VPS54: variants seen among roughly 807,000 people sequenced by gnomAD.
The protein encoded by VPS54 is VPS54 subunit of GARP complex, also known as vacuolar protein sorting-associated protein 54.
A neutral mutation model predicts 121.5 loss-of-function variants in VPS54; 45 were observed. That is an observed-to-expected ratio of 0.37 (90% CI 0.29 to 0.47). VPS54 has a LOEUF of 0.47. VPS54 is among the 20% of genes least tolerant of loss of function. The pLI is 0.99. For synonymous variants in VPS54, 371 were observed against 385.8 expected (o/e 0.96, Z 0.45); for missense variants, 1,090 against 1,131.4 (o/e 0.96, Z 0.52).
rs56820620 is a variant in VPS54 at position 63,967,718 on chromosome 2, C to CAAAAA, written c.492+1234_492+1238dup. Reference sequence around the variant, plus strand: ...TGGGCGACAGAGAGAGACTCTGCCTCAAAAAAAAAAAAAAAAATCTTATAA... The same window carrying CAAAAA: ...TGGGCGACAGAGAGAGACTCTGCCTCAAAAAAAAAAAAAAAAAAAAAATCTTATAA... On this transcript the variant is annotated intron_variant, in intron 5 of 22. Transcript: ENST00000272322. 1.7e-4 allele frequency among the ~76,000 whole-genome samples: 9 copies of CAAAAA among 52,988 alleles called. 1 individual carries two copies. The highest frequency in any genetic ancestry group is 1.1e-3 in the Admixed American group (5 of 4,662). 34.8% of individuals were successfully genotyped at this position (52,988 alleles called of 152,430 possible).
intron 22 of VPS54, among the ~76,000 whole-genome samples, chr2:63,897,043 C>A (rs1289891347): frequency 6.6e-6 from 1 of 152,156 alleles, no homozygotes; most frequent in East Asian, 1.9e-4. Context: ...GTAATATATA[C>A]AATCTTTCAA....
At chr2:63,903,184 G>A (rs1672763026) in intron 20 of VPS54, among the ~76,000 whole-genome samples, 2 of 152,176 alleles carry the variant, frequency 1.3e-5, no homozygotes, top group East Asian at 3.8e-4. Context: ...TAGTGAAACT[G>A]CTGAAAATCA....
intron 3 of VPS54, among the ~76,000 whole-genome samples, chr2:63,977,706 T>G (rs13009774): frequency 0.18 from 26,991 of 152,200 alleles, 3,178 homozygotes; most frequent in Non-Finnish European, 0.24. Flanking sequence ...TGAGTCTGAT[T>G]CTGATACTTG....
At chr2:63,943,103 T>C (rs552450320) in intron 10 of VPS54, among the ~76,000 whole-genome samples, 1 of 152,342 alleles carries the variant, frequency 6.6e-6, no homozygotes, top group South Asian at 2.1e-4. Context: ...TATGTGGTTG[T>C]TGTAAATATT....
chr2:63,968,001 A>G (rs1042475882), intron 5 of VPS54, among the ~76,000 whole-genome samples: 2 of 152,188 alleles, frequency 1.3e-5, no homozygotes, highest in African/African-American at 4.8e-5. Flanking sequence ...GAAGTAAAGA[A>G]TGTGTAAAGA....
intron 15 of VPS54, among the ~76,000 whole-genome samples, chr2:63,917,793 A>T (rs1036722968): frequency 3.3e-5 from 5 of 152,026 alleles, no homozygotes; most frequent in African/African-American, 1.2e-4. Flanking sequence ...AAATGGCCCT[A>T]AAGTCAGTCT....
intron 20 of VPS54, among the ~76,000 whole-genome samples, chr2:63,911,322 AT>A: frequency 1.3e-5 from 2 of 152,200 alleles, no homozygotes; most frequent in African/African-American, 4.8e-5. Flanking sequence ...ATGTTTGTAC[AT>A]AAATACAAAT....
intron 7 of VPS54, among the ~76,000 whole-genome samples, chr2:63,951,035 A>C (rs1164044861): frequency 6.6e-6 from 1 of 151,980 alleles, no homozygotes; most frequent in African/African-American, 2.4e-5. Flanking sequence ...TTACCACTTG[A>C]TATCTTAGCT....
At chr2:63,931,927 A>G (rs932945683) in intron 12 of VPS54, among the ~76,000 whole-genome samples, 97 of 152,270 alleles carry the variant, frequency 6.4e-4, no homozygotes, top group African/African-American at 2.3e-3. Flanking sequence ...ACTGGTCATT[A>G]GAGAAATGCA....
intron 1 of VPS54, among the ~76,000 whole-genome samples, chr2:64,015,560 T>C (rs996904463): frequency 2.0e-5 from 3 of 152,208 alleles, no homozygotes; most frequent in Admixed American, 2.0e-4. Flanking sequence ...GTCCTGTGCA[T>C]TGTAGGGTAT....
At chr2:63,985,678 TATAC>T (rs1459648231) in intron 1 of VPS54, among the ~76,000 whole-genome samples, 5 of 101,696 alleles carry the variant, frequency 4.9e-5, no homozygotes, top group Non-Finnish European at 9.5e-5. Context: ...AGTGACAAAT[TATAC>T]ACACACACAC....
chr2:63,987,966 A>G (rs1469748867), intron 1 of VPS54, among the ~76,000 whole-genome samples: 5 of 152,220 alleles, frequency 3.3e-5, no homozygotes, highest in Admixed American at 6.5e-5. Context: ...TAATCTACAA[A>G]CAAGGATAAT....
chr2:63,975,064 G>C (rs1391022602), intron 3 of VPS54: 1 of 1,537,264 alleles, frequency 6.5e-7, no homozygotes, highest in South Asian at 1.2e-5. Context: ...TTTCTTTTTT[G>C]AGACAGAGTC....
intron 3 of VPS54, among the ~76,000 whole-genome samples, chr2:63,975,754 A>G (rs969840609): frequency 6.6e-6 from 1 of 151,918 alleles, no homozygotes; most frequent in Admixed American, 6.6e-5. Flanking sequence ...TAATAACAAA[A>G]CTCTAGTCTC....
rs1675335908 is a variant in VPS54 at position 63,953,149 on chromosome 2, T to C, written c.1011-3986A>G. On this transcript the variant is annotated intron_variant, in intron 7 of 22. Transcript: ENST00000272322. ...TAATTTTTTTTTTTTTTTTTTTTTT[T>C]TAGACAGAGTCTCCCTCTGTTGCCT... 2.7e-5 allele frequency among the ~76,000 whole-genome samples: 4 copies of C among 149,398 alleles called. No individual in the cohort carries two copies. In the South Asian group the frequency reaches 8.6e-4, roughly 32 times the overall value.
intron 7 of VPS54, among the ~76,000 whole-genome samples, chr2:63,949,662 T>A (rs1353296706): frequency 6.6e-6 from 1 of 151,844 alleles, no homozygotes; most frequent in Admixed American, 6.6e-5. Context: ...TTGAGTAGGC[T>A]GAGGAGGAGG....
intron 11 of VPS54, among the ~76,000 whole-genome samples, chr2:63,936,976 T>C (rs1309039591): frequency 6.6e-6 from 1 of 152,150 alleles, no homozygotes; most frequent in African/African-American, 2.4e-5. Flanking sequence ...ACCGCTGTCT[T>C]ATACCACCTA....
rs1678846313 is a variant in VPS54, at chr2:64,018,941, CG to C, written c.-25del. ...GGGGGCCGCGGGGCACACCTACCTG[CG>C]GGTCCCGGGGCAGCCGCCCTGAGCG... On this transcript the variant is annotated 5_prime_UTR_variant, in exon 1 of 23. Coordinates refer to ENST00000272322, the MANE Select transcript of VPS54 (RefSeq NM_016516.3). The C allele has an allele frequency of 6.6e-6, 1 of 151,960 alleles. No individual in the cohort carries two copies. The highest frequency in any genetic ancestry group is 1.5e-5 in the Non-Finnish European group (1 of 68,198). 9.4% of individuals were successfully genotyped at this position (151,960 alleles called of 1,614,324 possible). A position where few individuals can be genotyped will look rare whatever the true frequency, so the allele number is the denominator to read the frequency against.
At chr2:63,939,947 AG>A (rs1674643848) in intron 11 of VPS54, among the ~76,000 whole-genome samples, 2 of 152,050 alleles carry the variant, frequency 1.3e-5, no homozygotes, top group South Asian at 2.1e-4. Context: ...TAGTAGAGAC[AG>A]GGTTTCACCA....
Sources: allele counts gnomAD v4.1 joint callset (sites outside exome capture counted in the v4.1 genomes callset), GRCh38; gene constraint gnomAD v4.1.1; transcripts MANE v1.5; gene names NCBI Gene and HGNC (gene_info 2026-07-23, HGNC 2026-07-21).